KNTC1: variants seen among roughly 807,000 people sequenced by gnomAD.
The protein encoded by KNTC1 is kinetochore associated 1.
Under a neutral mutation model 314.4 loss-of-function variants are expected in KNTC1, and 253 were observed. That is an observed-to-expected ratio of 0.80 (90% CI 0.73 to 0.89). The LOEUF is 0.89. Ranked by LOEUF, KNTC1 falls within the 40% of genes least tolerant of loss-of-function variation. KNTC1 has a pLI of 0.00. For synonymous variants in KNTC1, 901 were observed against 901.4 expected (o/e 1.00, Z 0.01); for missense variants, 2,475 against 2,572.9 (o/e 0.96, Z 0.82).
Position 122,590,602 on chromosome 12 carries a change from T to TGTAG in KNTC1, c.4000-1_4002dup, listed in dbSNP as rs1311872293. 6.2e-7 allele frequency: 1 copy of TGTAG among 1,609,410 alleles called. No individual in the cohort carries two copies. The highest frequency in any genetic ancestry group is 8.5e-7 in the Non-Finnish European group (1 of 1,177,488). On this transcript the variant is annotated splice_polypyrimidine_tract_variant and splice_region_variant and intron_variant, in intron 40 of 63. Transcript: ENST00000333479. ...TTTGCTTCTTTTGCTGGTTTCTTCC[T>TGTAG]GTAGGTATTTAATTGTCGCTTGGTA...
At position 122,604,620 on chromosome 12, in the gene KNTC1, C is replaced by A. The variant is rs202181687; in HGVS notation, c.5158C>A (p.Gln1720Lys). The A allele has an allele frequency of 1.8e-4, 294 of 1,597,976 alleles. 3 individuals carry two copies. Among genetic ancestry groups the A allele is most frequent in the Non-Finnish European group, 1.5e-5 (18 of 1,165,886 alleles). Reference sequence around the variant, plus strand: ...CCTTTATTTAGCTGAGAGATGGCTACAGAATATCCCATCGCAGGTGTGTCT... The same window carrying A: ...CCTTTATTTAGCTGAGAGATGGCTAAAGAATATCCCATCGCAGGTGTGTCT... ...FCLYLAERWLQNIPSQDEKRE... is the reference protein window; with the variant it reads ...FCLYLAERWLKNIPSQDEKRE... Residue 1720 changes from glutamine (Q) to lysine (K), a missense_variant, in exon 49 of 64, where the codon CAG becomes AAG. Coordinates refer to ENST00000333479, the MANE Select transcript of KNTC1 (RefSeq NM_014708.6).
chr12:122,590,054 G>A (rs1869964829), intron 40 of KNTC1, among the ~76,000 whole-genome samples: 1 of 152,008 alleles, frequency 6.6e-6, no homozygotes, highest in Non-Finnish European at 1.5e-5. Flanking sequence ...AAAGTGCTGG[G>A]ATTATAGGCA....
rs1960752676 is a variant in KNTC1 at position 122,527,316 on chromosome 12, T to TAA, written c.-108_-107insAA. ...GTGTGAGTCAGGAAGAGGGGCCAGA[T>TAA]ATCTGAGTGTTCCTCTTTAGTTTCT... is the stretch of plus-strand genomic sequence containing the variant. On this transcript the variant is annotated 5_prime_UTR_variant, in exon 1 of 64. Coordinates refer to ENST00000333479, the MANE Select transcript of KNTC1 (RefSeq NM_014708.6). The TAA allele has an allele frequency of 5.3e-6, 1 of 188,750 alleles. No individual in the cohort carries two copies. The highest frequency in any genetic ancestry group is 1.1e-5 in the Non-Finnish European group (1 of 89,890). The allele number at this position is 188,750 out of a possible 1,614,324, so 11.7% of individuals were successfully genotyped here. A position where few individuals can be genotyped will look rare whatever the true frequency, so the allele number is the denominator to read the frequency against.
intron 53 of KNTC1, 138 bp from the exon 54 acceptor site, chr12:122,612,974 C>T (rs576493911): frequency 1.3e-5 from 8 of 632,006 alleles, no homozygotes; most frequent in South Asian, 1.2e-4. Flanking sequence ...CACTGTTACA[C>T]ACAGTGCGTT....
intron 24 of KNTC1, among the ~76,000 whole-genome samples, chr12:122,572,431 G>A (rs1964753845): frequency 6.6e-6 from 1 of 151,924 alleles, no homozygotes; most frequent in African/African-American, 2.4e-5. Context: ...ATTAAGTCTT[G>A]ACAGTACATT....
intron 5 of KNTC1, among the ~76,000 whole-genome samples, chr12:122,541,179 C>T (rs778061567): frequency 3.8e-4 from 58 of 151,472 alleles, no homozygotes; most frequent in Admixed American, 1.1e-3. Context: ...AGATTGAGAC[C>T]CTGTCTCAAA....
At chr12:122,573,746 G>A (rs1964848005) in intron 26 of KNTC1, among the ~76,000 whole-genome samples, 1 of 152,202 alleles carries the variant, frequency 6.6e-6, no homozygotes, top group Non-Finnish European at 1.5e-5. Flanking sequence ...TCACAGATAG[G>A]TGATACAAAA....
intron 37 of KNTC1, 150 bp downstream of exon 37, chr12:122,585,924 T>C (rs1593614045): frequency 2.8e-6 from 2 of 708,616 alleles, no homozygotes; most frequent in Non-Finnish European, 4.7e-6. Context: ...AAAGAATAAA[T>C]ACTGTGTGAT....
chr12:122,561,532 C>T (rs1170282231), intron 18 of KNTC1, among the ~76,000 whole-genome samples: 1 of 151,908 alleles, frequency 6.6e-6, no homozygotes, highest in Non-Finnish European at 1.5e-5. Context: ...CGGCTCATGG[C>T]AACCTCAGCC....
In KNTC1 at chr12:122,549,768, G is replaced by A; in HGVS notation, c.990G>A (p.Met330Ile). The change falls in exon 13 of 64, where the codon ATG becomes ATA. Residue 330 changes from methionine (M) to isoleucine (I), a missense_variant and splice_region_variant. Met to Ile is a conservative substitution (Grantham distance 10). Transcript: ENST00000333479. ...AATTGCTCTGCTATTTTTCTTAGAT[G>A]AAAAACCTCATGGTTTATTCATTAC... is the stretch of plus-strand genomic sequence containing the variant. ...IALTASANKK[M>I]KNLMVYSLPT... The A allele has an allele frequency of 6.8e-7, 1 of 1,462,386 alleles. No homozygotes were observed. Among genetic ancestry groups the A allele is most frequent in the Non-Finnish European group, 9.4e-7 (1 of 1,060,468 alleles). The allele number at this position is 1,462,386 out of a possible 1,614,324, so 90.6% of individuals were successfully genotyped here.
intron 16 of KNTC1, among the ~76,000 whole-genome samples, chr12:122,554,076 A>AAAATATATATATATGTATAT (rs370146333): frequency 9.2e-6 from 1 of 109,064 alleles, no homozygotes; most frequent in African/African-American, 3.9e-5. Context: ...AAAAAAAAAA[A>AAAATATATATATATGTATAT]ATATATATAT....
chr12:122,571,243 G>C (rs1396045777), intron 24 of KNTC1, 117 bp downstream of exon 24: 1 of 699,732 alleles, frequency 1.4e-6, no homozygotes, highest in Non-Finnish European at 2.2e-6. Context: ...CTGTTTTTTT[G>C]TGCCTTTTTT....
chr12:122,556,929 T>TC (rs1373594187), intron 16 of KNTC1, among the ~76,000 whole-genome samples: 2 of 145,982 alleles, frequency 1.4e-5, no homozygotes, highest in African/African-American at 5.0e-5. Flanking sequence ...TTTTTTTTTT[T>TC]TTTTTTTTTT....
At chr12:122,616,105 T>C (rs1490849035) in intron 57 of KNTC1, among the ~76,000 whole-genome samples, 1 of 152,108 alleles carries the variant, frequency 6.6e-6, no homozygotes, top group African/African-American at 2.4e-5. Flanking sequence ...AATCATAATA[T>C]ATATTACGCA....
At chr12:122,619,604 G>A (rs903632951) in intron 59 of KNTC1, among the ~76,000 whole-genome samples, 2 of 151,666 alleles carry the variant, frequency 1.3e-5, no homozygotes, top group South Asian at 2.1e-4. Context: ...AATAGAGACG[G>A]GGTTTCTCCG....
intron 33 of KNTC1, 34 bp from the exon 34 acceptor site, chr12:122,582,671 A>G: frequency 6.5e-7 from 1 of 1,537,380 alleles, no homozygotes; most frequent in Non-Finnish European, 8.8e-7. Context: ...GATTAAACAG[A>G]CTTGGGACTT....
At chr12:122,584,220 C>A in intron 34 of KNTC1, 58 bp from the exon 35 acceptor site, 2 of 1,193,294 alleles carry the variant, frequency 1.7e-6, no homozygotes, top group South Asian at 1.4e-5. Context: ...CCAAGAAAGG[C>A]CATGCGTTCA....
chr12:122,531,747 T>C (rs892917417), intron 2 of KNTC1, among the ~76,000 whole-genome samples: 3 of 152,158 alleles, frequency 2.0e-5, no homozygotes, highest in Non-Finnish European at 4.4e-5. Context: ...TTTGTTCGTT[T>C]GTTTGAGATG....
At chr12:122,549,925 A>C in intron 13 of KNTC1, 61 bp downstream of exon 13, 1 of 869,886 alleles carries the variant, frequency 1.1e-6, no homozygotes, top group Non-Finnish European at 1.8e-6. Flanking sequence ...CTGGTATCTA[A>C]TCAGGGATGA....
Sources: allele counts gnomAD v4.1 joint callset (sites outside exome capture counted in the v4.1 genomes callset), GRCh38; gene constraint gnomAD v4.1.1; transcripts MANE v1.5; gene names NCBI Gene and HGNC (gene_info 2026-07-23, HGNC 2026-07-21).